The following SLC30A4 variants were observed in gnomAD, a reference collection of about 807,000 sequenced individuals.
The protein encoded by SLC30A4 is probable proton-coupled zinc antiporter SLC30A4.
A neutral mutation model predicts 41.7 loss-of-function variants in SLC30A4; 20 were observed. The ratio of observed to expected loss-of-function variants is 0.48; its 90% CI spans 0.34 to 0.70. The LOEUF (loss-of-function observed/expected upper bound fraction) is 0.70. SLC30A4 is among the 30% of genes least tolerant of loss of function. SLC30A4 has a pLI of 0.01. For synonymous variants in SLC30A4, 181 were observed against 195.9 expected, an observed-to-expected ratio of 0.92 and a Z score of 0.64; for missense variants, 441 against 529.3, an observed-to-expected ratio of 0.83 and a Z score of 1.64.
intron 2 of SLC30A4, chr15:45,519,728 G>A (rs947013763): frequency 2.6e-5 from 4 of 152,304 alleles, no homozygotes; most frequent in Middle Eastern, 3.4e-3. Context: ...GAAGTGAGAA[G>A]TCAAGACAAT....
At chr15:45,513,465 C>T (rs1892361392) in intron 2 of SLC30A4, among the ~76,000 whole-genome samples, 1 of 149,708 alleles carries the variant, frequency 6.7e-6, no homozygotes, top group Non-Finnish European at 1.5e-5. Context: ...ACTTAAAAAG[C>T]TACATGTTGG....
chr15:45,509,065 TA>T (rs11349482), intron 3 of SLC30A4, among the ~76,000 whole-genome samples: 13,759 of 152,102 alleles, frequency 0.09, 2,049 homozygotes, highest in African/African-American at 0.31. Context: ...CAAGCAGTGT[TA>T]AAAAAATTCC....
At chr15:45,486,304 C>T (rs995764007) in intron 7 of SLC30A4, among the ~76,000 whole-genome samples, 4 of 152,026 alleles carry the variant, frequency 2.6e-5, no homozygotes, top group African/African-American at 7.2e-5. Context: ...ATTACAGGTG[C>T]GAGCCACCAT....
chr15:45,487,222 T>G (rs894150780), intron 6 of SLC30A4, among the ~76,000 whole-genome samples: 1 of 152,322 alleles, frequency 6.6e-6, no homozygotes, highest in Middle Eastern at 3.4e-3. Flanking sequence ...CCACAGTTTA[T>G]TAGCAACATG....
At chr15:45,504,470 A>C (rs1430841725) in intron 3 of SLC30A4, among the ~76,000 whole-genome samples, 1 of 152,226 alleles carries the variant, frequency 6.6e-6, no homozygotes. Flanking sequence ...TAAGAGACTA[A>C]AACTGACAAA....
intron 3 of SLC30A4, among the ~76,000 whole-genome samples, chr15:45,497,599 G>A (rs543255331): frequency 6.6e-6 from 1 of 152,112 alleles, no homozygotes; most frequent in African/African-American, 2.4e-5. Context: ...AGAATAAACA[G>A]TTTGAATGGC....
At position 45,484,669 on chromosome 15, in the gene SLC30A4, T is replaced by C. The variant is rs990700291; in HGVS notation, c.*494A>G. The C allele has an allele frequency of 1.3e-5, 2 of 152,590 alleles. No homozygotes were observed. The highest frequency in any genetic ancestry group is 6.5e-5 in the Admixed American group (1 of 15,284). 9.5% of individuals were successfully genotyped at this position (152,590 alleles called of 1,614,324 possible). A position where few individuals can be genotyped will look rare whatever the true frequency, so the allele number is the denominator to read the frequency against. The stretch of plus-strand genomic sequence containing the variant: ...ATACATGCTTATTCCACTTTTGGGA[T>C]AACTACTAGTACTTCCTGAAATCTG... On this transcript the variant is annotated 3_prime_UTR_variant, in exon 8 of 8. Coordinates refer to ENST00000261867, the MANE Select transcript of SLC30A4 (RefSeq NM_013309.6).
At chr15:45,507,046 G>T (rs1420893339) in intron 3 of SLC30A4, among the ~76,000 whole-genome samples, 2 of 152,074 alleles carry the variant, frequency 1.3e-5, no homozygotes, top group Non-Finnish European at 2.9e-5. Flanking sequence ...GCTTGGCTGG[G>T]GGCGGTGGCT....
At chr15:45,503,533 T>C (rs1036788089) in intron 3 of SLC30A4, among the ~76,000 whole-genome samples, 1 of 151,858 alleles carries the variant, frequency 6.6e-6, no homozygotes, top group Non-Finnish European at 1.5e-5. Flanking sequence ...GGAGAATCGC[T>C]TCAATCTGGG....
chr15:45,519,402 ATTT>A (rs1162850230), intron 2 of SLC30A4: 1 of 142,822 alleles, frequency 7.0e-6, no homozygotes, highest in African/African-American at 2.6e-5. Flanking sequence ...CGCCTGGCTA[ATTT>A]TTTTGTATTT....
At chr15:45,486,322 A>G (rs1454965285) in intron 7 of SLC30A4, among the ~76,000 whole-genome samples, 1 of 152,106 alleles carries the variant, frequency 6.6e-6, no homozygotes, top group Admixed American at 6.6e-5. Flanking sequence ...CATGCCAGTC[A>G]GGAAATATTC....
chr15:45,492,912 A>G (rs1529354), intron 3 of SLC30A4, among the ~76,000 whole-genome samples: 13,386 of 152,182 alleles, frequency 0.088, 1,939 homozygotes, highest in African/African-American at 0.3. Flanking sequence ...TTTTTACTAT[A>G]TAAATATGAA....
intron 4 of SLC30A4, 77 bp downstream of exon 4, chr15:45,490,651 A>G: frequency 6.9e-6 from 6 of 864,600 alleles, no homozygotes; most frequent in Non-Finnish European, 1.1e-5. Flanking sequence ...ATATCACTGA[A>G]TATTACTGAA....
In SLC30A4 at chr15:45,522,669, C is replaced by A. The variant is rs1385229740; in HGVS notation, c.-177G>T. ...CCCCCGGCCGGCTCAGCGAGGCGGG[C>A]TCGCGCTGCTCCACCCGCGGCCGCA... is the stretch of plus-strand genomic sequence containing the variant. On this transcript the variant is annotated 5_prime_UTR_variant, in exon 1 of 8. Coordinates refer to ENST00000261867, the MANE Select transcript of SLC30A4 (RefSeq NM_013309.6). 1.3e-5 allele frequency: 3 copies of A among 222,804 alleles called. No individual in the cohort carries two copies. In the Admixed American group the frequency reaches 1.8e-4, roughly 13 times the overall value. The allele number at this position is 222,804 out of a possible 1,614,324, so 13.8% of individuals were successfully genotyped here. A position where few individuals can be genotyped will look rare whatever the true frequency, so the allele number is the denominator to read the frequency against.
chr15:45,489,983 G>A (rs946274751), intron 4 of SLC30A4, among the ~76,000 whole-genome samples: 32 of 152,056 alleles, frequency 2.1e-4, no homozygotes, highest in Admixed American at 1.7e-3. Context: ...CTTTGAAAGA[G>A]AATATATAGA....
At chr15:45,495,781 A>G (rs1053082013) in intron 3 of SLC30A4, among the ~76,000 whole-genome samples, 7 of 152,200 alleles carry the variant, frequency 4.6e-5, no homozygotes, top group Non-Finnish European at 1.0e-4. Flanking sequence ...CATGAGAAGG[A>G]TAAGAGATTC....
chr15:45,494,808 G>C (rs1891879479), intron 3 of SLC30A4, among the ~76,000 whole-genome samples: 1 of 152,256 alleles, frequency 6.6e-6, no homozygotes, highest in South Asian at 2.1e-4. Context: ...CAAGTACCAA[G>C]GCTGAAGCTA....
intron 3 of SLC30A4, among the ~76,000 whole-genome samples, chr15:45,500,641 T>TATCTATCC (rs1437877331): frequency 6.6e-6 from 1 of 151,488 alleles, no homozygotes; most frequent in Non-Finnish European, 1.5e-5. Context: ...TCTATCTATC[T>TATCTATCC]ATCTATCTAT....
At chr15:45,493,206 A>G (rs1472070155) in intron 3 of SLC30A4, among the ~76,000 whole-genome samples, 1 of 152,150 alleles carries the variant, frequency 6.6e-6, no homozygotes, top group Non-Finnish European at 1.5e-5. Context: ...CAGGAGGAGG[A>G]GGTTGCAGTG....
Sources: allele counts gnomAD v4.1 joint callset (sites outside exome capture counted in the v4.1 genomes callset), GRCh38; gene constraint gnomAD v4.1.1; transcripts MANE v1.5; gene names NCBI Gene and HGNC (gene_info 2026-07-23, HGNC 2026-07-21).